NTM: variants seen among roughly 807,000 people sequenced by gnomAD.
The protein encoded by NTM is IgLON family member 2.
A neutral mutation model predicts 42.1 loss-of-function variants in NTM; 13 were observed. The ratio of observed to expected loss-of-function variants is 0.31; its 90% CI spans 0.20 to 0.49. The LOEUF is 0.49. NTM is among the 20% of genes least tolerant of loss of function. The pLI is 0.99. For synonymous variants in NTM, 187 were observed against 179.2 expected, an observed-to-expected ratio of 1.04 and a Z score of -0.35; for missense variants, 373 against 452.8, an observed-to-expected ratio of 0.82 and a Z score of 1.60.
At chr11:132,257,208 C>G (rs564857803) in intron 4 of NTM, among the ~76,000 whole-genome samples, 1 of 152,314 alleles carries the variant, frequency 6.6e-6, no homozygotes, top group African/African-American at 2.4e-5. Context: ...TGAATTAGGG[C>G]CTCTGCTGAG....
At chr11:131,413,152 C>A (rs1946597505) in intron 1 of NTM, among the ~76,000 whole-genome samples, 1 of 152,174 alleles carries the variant, frequency 6.6e-6, no homozygotes, top group African/African-American at 2.4e-5. Context: ...AGGATAGAGT[C>A]AGGTGCCAGA....
At chr11:131,505,183 ATGTCTC>A (rs112468278) in intron 1 of NTM, among the ~76,000 whole-genome samples, 2,495 of 152,222 alleles carry the variant, frequency 0.016, 69 homozygotes, top group African/African-American at 0.057. Context: ...GGATTTGATG[ATGTCTC>A]TGTGAAGCTC....
At chr11:132,183,679 C>T (rs952179626) in intron 3 of NTM, among the ~76,000 whole-genome samples, 3 of 152,062 alleles carry the variant, frequency 2.0e-5, no homozygotes, top group African/African-American at 7.2e-5. Context: ...TCTAGGTCTA[C>T]CTGGTCATAG....
intron 1 of NTM, among the ~76,000 whole-genome samples, chr11:131,653,083 T>G (rs531576659): frequency 2.0e-3 from 299 of 152,342 alleles, no homozygotes; most frequent in Middle Eastern, 6.8e-3. Flanking sequence ...GACTGGATGA[T>G]GCAGGCTTCC....
At chr11:131,826,885 G>A (rs2136482100) in intron 1 of NTM, among the ~76,000 whole-genome samples, 1 of 152,264 alleles carries the variant, frequency 6.6e-6, no homozygotes, top group African/African-American at 2.4e-5. Context: ...CAGGTGTGGA[G>A]TTTATGCAGT....
chr11:131,706,472 A>G (rs1197190658), intron 1 of NTM, among the ~76,000 whole-genome samples: 1 of 152,070 alleles, frequency 6.6e-6, no homozygotes, highest in Non-Finnish European at 1.5e-5. Context: ...GCAGCATAAT[A>G]GATTAAAGGG....
intron 2 of NTM, among the ~76,000 whole-genome samples, chr11:132,020,641 G>T (rs939555429): frequency 6.6e-6 from 1 of 151,804 alleles, no homozygotes; most frequent in Admixed American, 6.6e-5. Flanking sequence ...GAAAAAAAAG[G>T]TTTTTCTGAA....
rs2095374765 is a variant in NTM, at chr11:132,314,626, C to G, written c.857C>G (p.Ser286Cys). 1 of 1,613,878 alleles carries G rather than the reference C, an allele frequency of 6.2e-7. No individual in the cohort carries two copies. Among genetic ancestry groups the G allele is most frequent in the African/African-American group, 1.3e-5 (1 of 74,928 alleles). ...FLSKLIFFNV[S>C]EHDYGNYTCV... ...TCAAAACTCATCTTCTTCAATGTCT[C>G]TGAACATGACTATGGGAACTACACT... The change falls in exon 7 of 9, where the codon TCT becomes TGT. Residue 286 changes from serine (S) to cysteine (C), a missense_variant. This residue lies in a region of NTM where 312 missense variants were observed against 353.5 expected (regional missense o/e 0.88). Coordinates refer to ENST00000683400, the MANE Select transcript of NTM (RefSeq NM_001352005.2).
chr11:132,261,198 G>A (rs2092828551), intron 4 of NTM, among the ~76,000 whole-genome samples: 1 of 152,164 alleles, frequency 6.6e-6, no homozygotes, highest in Admixed American at 6.5e-5. Context: ...TTGGCCAAGA[G>A]AGTAGAGGTG....
At chr11:131,803,815 G>A (rs1171196875) in intron 1 of NTM, among the ~76,000 whole-genome samples, 1 of 152,158 alleles carries the variant, frequency 6.6e-6, no homozygotes, top group Non-Finnish European at 1.5e-5. Context: ...TGCCTCCTGA[G>A]TGAAAGCATT....
chr11:131,441,060 C>T (rs1455137267), intron 1 of NTM, among the ~76,000 whole-genome samples: 1 of 151,874 alleles, frequency 6.6e-6, no homozygotes, highest in African/African-American at 2.4e-5. Context: ...TTGTTTAAAC[C>T]ATTGTTTTAA....
chr11:131,456,537 CTT>C (rs1950909594), intron 1 of NTM, among the ~76,000 whole-genome samples: 2 of 152,060 alleles, frequency 1.3e-5, no homozygotes, highest in South Asian at 4.1e-4. Context: ...CAGTGTGGCT[CTT>C]TGCCTCAGGG....
intron 7 of NTM, among the ~76,000 whole-genome samples, chr11:132,319,253 G>A (rs2095505031): frequency 6.6e-6 from 1 of 152,188 alleles, no homozygotes; most frequent in Non-Finnish European, 1.5e-5. Context: ...TCTCACTGGG[G>A]AGTGCCAGAC....
chr11:131,935,200 C>G (rs896254603), intron 2 of NTM, among the ~76,000 whole-genome samples: 1 of 152,042 alleles, frequency 6.6e-6, no homozygotes, highest in Non-Finnish European at 1.5e-5. Context: ...AACAGAGTAA[C>G]GGTGGTTTTG....
intron 1 of NTM, among the ~76,000 whole-genome samples, chr11:131,406,528 T>C (rs540741195): frequency 4.6e-5 from 7 of 152,344 alleles, no homozygotes; most frequent in African/African-American, 7.2e-5. Context: ...CTGAAACTCT[T>C]GGATAACACC....
intron 1 of NTM, among the ~76,000 whole-genome samples, chr11:131,579,301 C>T (rs2058192380): frequency 6.6e-6 from 1 of 151,504 alleles, no homozygotes; most frequent in Non-Finnish European, 1.5e-5. Context: ...AAAACAAAAA[C>T]AGAAATATAA....
intron 2 of NTM, among the ~76,000 whole-genome samples, chr11:132,059,941 C>G (rs10894491): frequency 2.0e-5 from 3 of 151,840 alleles, no homozygotes; most frequent in Non-Finnish European, 4.4e-5. Flanking sequence ...CTCCTGCAGC[C>G]TTTTGAGGGA....
chr11:131,916,372 C>T (rs1282742979), intron 2 of NTM, among the ~76,000 whole-genome samples: 1 of 152,214 alleles, frequency 6.6e-6, no homozygotes, highest in Non-Finnish European at 1.5e-5. Context: ...TGCATTCTTT[C>T]CTGGGGATCA....
intron 1 of NTM, among the ~76,000 whole-genome samples, chr11:131,438,785 C>G (rs1426766548): frequency 6.6e-6 from 1 of 152,208 alleles, no homozygotes; most frequent in Non-Finnish European, 1.5e-5. Flanking sequence ...CTACTTCTGT[C>G]AGCTCATCAA....
Sources: allele counts gnomAD v4.1 joint callset (sites outside exome capture counted in the v4.1 genomes callset), GRCh38; gene constraint gnomAD v4.1.1; regional missense constraint gnomAD v4.1.1; transcripts MANE v1.5; gene names NCBI Gene and HGNC (gene_info 2026-07-23, HGNC 2026-07-21).